Variants in ESYT2 observed in about 807,000 individuals in gnomAD.
ESYT2 encodes extended synaptotagmin-2.
Under a neutral mutation model 107.2 loss-of-function variants are expected in ESYT2, and 54 were observed. The observed-to-expected ratio is 0.50, with a 90% CI of 0.40 to 0.63. ESYT2 has a LOEUF of 0.63. Ranked by LOEUF, ESYT2 falls within the 30% of genes least tolerant of loss-of-function variation. The pLI, the probability that ESYT2 is intolerant of heterozygous loss-of-function variation, is 0.00. For synonymous variants in ESYT2, 491 were observed against 434.1 expected, an observed-to-expected ratio of 1.13 and a Z score of -1.63; for missense variants, 1,020 against 1,094.5, an observed-to-expected ratio of 0.93 and a Z score of 0.96.
At chr7:158,797,479 G>A (rs963514879) in intron 3 of ESYT2, among the ~76,000 whole-genome samples, 2 of 152,076 alleles carry the variant, frequency 1.3e-5, no homozygotes, top group Admixed American at 6.5e-5. Context: ...GGCTGAGGCA[G>A]GAAGATCACT....
chr7:158,737,511 A>G (rs1837009353), intron 19 of ESYT2, among the ~76,000 whole-genome samples: 1 of 152,102 alleles, frequency 6.6e-6, no homozygotes, highest in South Asian at 2.1e-4. Flanking sequence ...TCTCACAGCC[A>G]AGAAAGCCAG....
intron 6 of ESYT2, among the ~76,000 whole-genome samples, chr7:158,783,999 A>C (rs1446519350): frequency 6.6e-6 from 1 of 152,140 alleles, no homozygotes; most frequent in Non-Finnish European, 1.5e-5. Flanking sequence ...AGAGACCTCT[A>C]TTGCTGGGGC....
Position 158,741,806 on chromosome 7 carries a change from T to G in ESYT2, c.1885A>C (p.Thr629Pro). 6.2e-7 allele frequency: 1 copy of G among 1,613,976 alleles called. No individual in the cohort carries two copies. Among genetic ancestry groups the G allele is most frequent in the Non-Finnish European group, 8.5e-7 (1 of 1,179,986 alleles). ...CCAGACATATGAGATTTGATGGATG[T>G]TTTCCTCCCCTCTTTGGACACAGAG... is the stretch of plus-strand genomic sequence containing the variant. ...RPSVSKEGRKTSIKSHMSGSP... is the reference protein window; with the variant it reads ...RPSVSKEGRKPSIKSHMSGSP... The change falls in exon 18 of 23, where the codon ACA becomes CCA. Residue 629 changes from threonine to proline, a missense_variant. By Grantham distance (38) the Thr-to-Pro change is conservative (BLOSUM62 -1). Coordinates refer to ENST00000275418, the MANE Select transcript of ESYT2 (RefSeq NM_001367773.1).
At chr7:158,792,872 C>G (rs1839347849) in intron 4 of ESYT2, among the ~76,000 whole-genome samples, 1 of 151,138 alleles carries the variant, frequency 6.6e-6, no homozygotes, top group Admixed American at 6.6e-5. Flanking sequence ...AGGTTCACAC[C>G]ACTCTCCTGC....
At chr7:158,738,344 GACACACACACACACACACACAC>G (rs199580275) in intron 19 of ESYT2, among the ~76,000 whole-genome samples, 3 of 131,312 alleles carry the variant, frequency 2.3e-5, no homozygotes, top group Non-Finnish European at 4.7e-5. Context: ...CACACACACA[GACACACACACACACACACACAC>G]ACACACACAC....
intron 9 of ESYT2, 29 bp from the exon 10 acceptor site, chr7:158,763,194 G>A (rs1838033464): frequency 1.9e-6 from 3 of 1,544,968 alleles, no homozygotes; most frequent in South Asian, 1.1e-5. Flanking sequence ...GTAGTTAAGT[G>A]CATTTTTACT....
At chr7:158,808,238 C>A (rs1473114101) in intron 1 of ESYT2, among the ~76,000 whole-genome samples, 1 of 152,212 alleles carries the variant, frequency 6.6e-6, no homozygotes. Flanking sequence ...ACAAACAATT[C>A]GTCAGTTTTA....
At chr7:158,806,136 C>CGCT (rs1563033082) in intron 1 of ESYT2, among the ~76,000 whole-genome samples, 100,480 of 147,734 alleles carry the variant, frequency 0.68, 35,623 homozygotes, top group Non-Finnish European at 0.77. Context: ...TGGGAGGTGC[C>CGCT]GGGGCACACC....
intron 3 of ESYT2, among the ~76,000 whole-genome samples, chr7:158,796,892 G>C (rs1839475832): frequency 6.7e-6 from 1 of 148,652 alleles, no homozygotes; most frequent in South Asian, 2.2e-4. Context: ...GTGGGCAGCC[G>C]GAAGGCCTCC....
chr7:158,781,521 TGA>T lies in ESYT2; in HGVS notation c.747+6481_747+6482del, dbSNP rs532514704. 3.5e-4 allele frequency among the ~76,000 whole-genome samples: 53 copies of T among 150,320 alleles called. No homozygotes were observed. The South Asian group carries it at 9.3e-3, about 26-fold the overall frequency. On this transcript the variant is annotated intron_variant, in intron 6 of 22. Coordinates refer to ENST00000275418, the MANE Select transcript of ESYT2 (RefSeq NM_001367773.1). ...CGAGTGAACGTGTGAGAACAAAGTG[TGA>T]GAGGTGTGAGTGTAAGAACGAGAAC...
rs140317813 is a variant in ESYT2, at chr7:158,798,005, G to A, written c.444C>T (p.Ala148=). ...EKLFRETIEP[A]VRGANTHLST... ...TAAGGTGGGTGTTTGCTCCCCGCAC[G>A]GCTGGTTCTATAGTTTCTCGAAACA... Residue 148 remains alanine (A), a synonymous_variant, in exon 3 of 23, where the codon GCC becomes GCT. Coordinates refer to ENST00000275418, the MANE Select transcript of ESYT2 (RefSeq NM_001367773.1). 21 of 1,614,130 alleles carry A rather than the reference G, an allele frequency of 1.3e-5. No individual in the cohort carries two copies. Among genetic ancestry groups the A allele is most frequent in the East Asian group, 4.5e-5 (2 of 44,890 alleles).
chr7:158,783,003 G>A lies in ESYT2; in HGVS notation c.747+5001C>T, dbSNP rs1838973176. 2.6e-5 allele frequency among the ~76,000 whole-genome samples: 4 copies of A among 152,212 alleles called. No individual in the cohort carries two copies. The South Asian group carries it at 6.2e-4, about 24-fold the overall frequency. ...GGCTTTAGAAGGCGCCTTTGGAAAA[G>A]CAACTAAAATCAGCGTGCCCCTCCT... On this transcript the variant is annotated intron_variant, in intron 6 of 22. Coordinates refer to ENST00000275418, the MANE Select transcript of ESYT2 (RefSeq NM_001367773.1).
At chr7:158,828,603 C>G (rs1840525708) in intron 1 of ESYT2, among the ~76,000 whole-genome samples, 1 of 152,146 alleles carries the variant, frequency 6.6e-6, no homozygotes, top group Non-Finnish European at 1.5e-5. Context: ...CAGACGCGCC[C>G]CGGACCCGGA....
At chr7:158,799,633 A>G (rs1202503206) in intron 1 of ESYT2, among the ~76,000 whole-genome samples, 1 of 152,150 alleles carries the variant, frequency 6.6e-6, no homozygotes, top group African/African-American at 2.4e-5. Flanking sequence ...GACTCCATAA[A>G]ATAAAGTAAC....
chr7:158,793,004 G>A (rs572531705), intron 4 of ESYT2, among the ~76,000 whole-genome samples: 4 of 151,970 alleles, frequency 2.6e-5, no homozygotes, highest in East Asian at 3.9e-4. Context: ...TCCTGACCTC[G>A]TGATCCGCCC....
At chr7:158,772,921 G>A (rs1206826807) in intron 7 of ESYT2, among the ~76,000 whole-genome samples, 3 of 151,398 alleles carry the variant, frequency 2.0e-5, no homozygotes, top group African/African-American at 7.3e-5. Flanking sequence ...CAGAAAGGGT[G>A]GGGTAGCCAT....
chr7:158,762,611 A>G (rs1259959494), intron 10 of ESYT2, among the ~76,000 whole-genome samples: 1 of 152,238 alleles, frequency 6.6e-6, no homozygotes, highest in Non-Finnish European at 1.5e-5. Context: ...AAGCTATACT[A>G]GTTGTTCAAT....
At chr7:158,793,079 T>C (rs1839360134) in intron 4 of ESYT2, among the ~76,000 whole-genome samples, 1 of 148,178 alleles carries the variant, frequency 6.7e-6, no homozygotes, top group Non-Finnish European at 1.5e-5. Flanking sequence ...ACTGAGTATG[T>C]TAACTGTGGG....
chr7:158,761,916 C>T (rs563587124), intron 10 of ESYT2, among the ~76,000 whole-genome samples: 1 of 152,180 alleles, frequency 6.6e-6, no homozygotes, highest in Non-Finnish European at 1.5e-5. Context: ...TTATTTTACA[C>T]GTCCTCTTGG....
Sources: allele counts gnomAD v4.1 joint callset (sites outside exome capture counted in the v4.1 genomes callset), GRCh38; gene constraint gnomAD v4.1.1; transcripts MANE v1.5; gene names NCBI Gene and HGNC (gene_info 2026-07-23, HGNC 2026-07-21).